The following VWA3B variants were observed in gnomAD, a reference collection of about 807,000 sequenced individuals.
VWA3B encodes von Willebrand factor A domain-containing protein 3B.
Under a neutral mutation model 158.3 loss-of-function variants are expected in VWA3B, and 138 were observed. That is an observed-to-expected ratio of 0.87 (90% CI 0.76 to 1.00). The LOEUF (loss-of-function observed/expected upper bound fraction) is 1.00. Among genes scored for constraint, VWA3B ranks in the 50% least tolerant of loss-of-function variants. The pLI is 0.00. For synonymous variants in VWA3B, 596 were observed against 587.3 expected (o/e 1.01, Z -0.21); for missense variants, 1,555 against 1,565.1 (o/e 0.99, Z 0.11).
intron 22 of VWA3B, among the ~76,000 whole-genome samples, chr2:98,277,423 A>G (rs1352967101): frequency 6.6e-6 from 1 of 152,246 alleles, no homozygotes; most frequent in Non-Finnish European, 1.5e-5. Flanking sequence ...GCTGTCCTCC[A>G]ACATTTTCTG....
At position 98,161,907 on chromosome 2, in the gene VWA3B, A is replaced by G. The variant is rs192790502; in HGVS notation, c.989-944A>G. 2.6e-3 allele frequency among the ~76,000 whole-genome samples: 395 copies of G among 152,242 alleles called. 3 individuals are homozygous for G. Among genetic ancestry groups the G allele is most frequent in the African/African-American group, 8.8e-3 (366 of 41,536 alleles). Reference sequence around the variant, plus strand: ...TTTTTAGTAGAGACGGGGTTTCACCATGTTGGCCAGCCTGGTCTCGAACTC... The same window carrying G: ...TTTTTAGTAGAGACGGGGTTTCACCGTGTTGGCCAGCCTGGTCTCGAACTC... On this transcript the variant is annotated intron_variant, in intron 7 of 27. Coordinates refer to ENST00000477737, the MANE Select transcript of VWA3B (RefSeq NM_144992.5).
intron 19 of VWA3B, among the ~76,000 whole-genome samples, chr2:98,245,844 G>A (rs1686358220): frequency 6.6e-6 from 1 of 152,102 alleles, no homozygotes; most frequent in South Asian, 2.1e-4. Context: ...GTGACATATA[G>A]CTCTATTTCG....
chr2:98,177,466 G>T (rs755063558), intron 8 of VWA3B, among the ~76,000 whole-genome samples: 11 of 152,096 alleles, frequency 7.2e-5, no homozygotes, highest in Non-Finnish European at 1.5e-5. Context: ...AGTAAGTGAC[G>T]CTAGTGAATG....
chr2:98,232,953 C>A (rs1181946669), intron 16 of VWA3B, among the ~76,000 whole-genome samples: 1 of 152,136 alleles, frequency 6.6e-6, no homozygotes, highest in Non-Finnish European at 1.5e-5. Context: ...GGGCCTTGAA[C>A]CCACAGGGAC....
intron 2 of VWA3B, among the ~76,000 whole-genome samples, chr2:98,107,329 T>C (rs1045745195): frequency 1.3e-5 from 2 of 152,158 alleles, no homozygotes; most frequent in Non-Finnish European, 2.9e-5. Context: ...CTGGTTTTGG[T>C]ATGACAAGGC....
the VWA3B span, among the ~76,000 whole-genome samples, chr2:98,322,534 CTG>C: frequency 1.3e-5 from 2 of 152,200 alleles, no homozygotes; most frequent in Non-Finnish European, 2.9e-5. Context: ...CCAGGGAACT[CTG>C]TGAAAAAATT....
At chr2:98,114,999 AT>A (rs1301275235) in intron 2 of VWA3B, among the ~76,000 whole-genome samples, 2 of 152,016 alleles carry the variant, frequency 1.3e-5, no homozygotes, top group Non-Finnish European at 2.9e-5. Context: ...TATTTCAGTG[AT>A]TTAATTATGA....
chr2:98,285,408 G>T (rs1462924121), intron 22 of VWA3B, among the ~76,000 whole-genome samples: 3 of 151,762 alleles, frequency 2.0e-5, no homozygotes, highest in Non-Finnish European at 4.4e-5. Flanking sequence ...TCATATACAG[G>T]TCTTTTTATA....
In VWA3B at chr2:98,171,187, T is replaced by A. The variant is rs992716708; in HGVS notation, c.1114+8211T>A. Among the ~76,000 whole-genome samples the A allele has an allele frequency of 3.3e-5, 5 of 152,168 alleles. No individual in the cohort carries two copies. The East Asian group carries it at 9.6e-4, about 29-fold the overall frequency. On this transcript the variant is annotated intron_variant, in intron 8 of 27. Coordinates refer to ENST00000477737, the MANE Select transcript of VWA3B (RefSeq NM_144992.5). ...AATGTAGCACTATGGTAGGTGATGA[T>A]GTAATGGTAAATAAGAGACATGGAA...
chr2:98,134,010 A>G, intron 7 of VWA3B, 71 bp downstream of exon 7: 1 of 1,305,218 alleles, frequency 7.7e-7, no homozygotes, highest in Non-Finnish European at 1.1e-6. Context: ...ATCATTAGGA[A>G]GTAAAGTACG....
chr2:98,276,031 T>G (rs1688500172), intron 22 of VWA3B, among the ~76,000 whole-genome samples: 1 of 152,230 alleles, frequency 6.6e-6, no homozygotes, highest in African/African-American at 2.4e-5. Flanking sequence ...GGGCTAAGAC[T>G]GTCCCCTCAC....
At chr2:98,214,523 T>C (rs1232813453) in intron 13 of VWA3B, among the ~76,000 whole-genome samples, 1 of 152,186 alleles carries the variant, frequency 6.6e-6, no homozygotes, top group Non-Finnish European at 1.5e-5. Flanking sequence ...AGGCAACTGA[T>C]GGAACTAGTT....
chr2:98,268,308 T>C (rs931488800), intron 21 of VWA3B, among the ~76,000 whole-genome samples: 8 of 151,986 alleles, frequency 5.3e-5, no homozygotes, highest in African/African-American at 1.7e-4. Context: ...ACTGGCAAAA[T>C]GAATCCAGCA....
chr2:98,240,228 T>A lies in VWA3B; in HGVS notation c.2673+3498T>A, dbSNP rs544016503. Among the ~76,000 whole-genome samples, 4 of 152,288 alleles carry A rather than the reference T, an allele frequency of 2.6e-5. No individual in the cohort carries two copies. In the East Asian group the frequency reaches 7.7e-4, roughly 29 times the overall value. On this transcript the variant is annotated intron_variant, in intron 19 of 27. Transcript: ENST00000477737. ...AGACACATAAGAACTTTAATAAACA[T>A]GAATAAGACAATACCATATACATTT...
At chr2:98,088,831 G>A (rs563198712) in intron 1 of VWA3B, among the ~76,000 whole-genome samples, 32 of 152,094 alleles carry the variant, frequency 2.1e-4, no homozygotes, top group South Asian at 4.2e-4. Flanking sequence ...TTGGCTTACT[G>A]CAACCTCTGC....
chr2:98,229,232 G>C (rs1456041196), intron 15 of VWA3B, among the ~76,000 whole-genome samples: 3 of 152,214 alleles, frequency 2.0e-5, no homozygotes, highest in Admixed American at 6.5e-5. Context: ...TCAAGTAAAT[G>C]AGAAGCCATT....
chr2:98,241,745 C>CTT lies in VWA3B; in HGVS notation c.2673+5016_2673+5017dup, dbSNP rs1367091748. Among the ~76,000 whole-genome samples the CTT allele has an allele frequency of 3.9e-5, 6 of 152,144 alleles. No homozygotes were observed. The East Asian group carries it at 1.2e-3, about 30-fold the overall frequency. ...CAAGCACATCCCATGGGCACTTGTG[C>CTT]TTGGTGCCTTCTGTGGCATTGTGAG... On this transcript the variant is annotated intron_variant, in intron 19 of 27. Transcript: ENST00000477737.
chr2:98,197,766 T>G (rs1682181459), intron 12 of VWA3B, among the ~76,000 whole-genome samples: 1 of 152,110 alleles, frequency 6.6e-6, no homozygotes, highest in African/African-American at 2.4e-5. Context: ...TTTTTCCCCC[T>G]TTAGCATTTC....
intron 23 of VWA3B, among the ~76,000 whole-genome samples, chr2:98,293,446 C>T (rs1214431287): frequency 6.6e-6 from 1 of 152,200 alleles, no homozygotes; most frequent in Non-Finnish European, 1.5e-5. Context: ...CCTCTCTTCC[C>T]AGTCACCTGA....
Sources: allele counts gnomAD v4.1 joint callset (sites outside exome capture counted in the v4.1 genomes callset), GRCh38; gene constraint gnomAD v4.1.1; transcripts MANE v1.5; gene names NCBI Gene and HGNC (gene_info 2026-07-23, HGNC 2026-07-21).